Variants in CNTN5 observed in about 807,000 individuals in gnomAD.
CNTN5 encodes contactin 5, also known as contactin-5.
In CNTN5, 77 loss-of-function variants were observed where a neutral mutation model predicts 129.1. That is an observed-to-expected ratio of 0.60 (90% CI 0.50 to 0.72). The LOEUF (loss-of-function observed/expected upper bound fraction) is 0.72, where lower values mean the gene tolerates loss of function less well. CNTN5 is among the 30% of genes least tolerant of loss of function. The pLI is 0.00. For missense variants in CNTN5, 1,478 were observed against 1,328.8 expected (o/e 1.11, Z -1.75); for synonymous variants, 509 against 465.6 (o/e 1.09, Z -1.20).
chr11:99,232,634 T>C (rs1277208461), intron 1 of CNTN5, among the ~76,000 whole-genome samples: 1 of 152,204 alleles, frequency 6.6e-6, no homozygotes, highest in South Asian at 2.1e-4. Flanking sequence ...CCTATTCGAA[T>C]GCCCTTTATT....
intron 2 of CNTN5, among the ~76,000 whole-genome samples, chr11:99,364,353 G>A (rs1173599885): frequency 6.6e-6 from 1 of 151,946 alleles, no homozygotes; most frequent in African/African-American, 2.4e-5. Flanking sequence ...AGCATAATAT[G>A]CTAATTTTTG....
At chr11:99,553,455 C>A (rs538854952) in intron 2 of CNTN5, among the ~76,000 whole-genome samples, 2 of 151,772 alleles carry the variant, frequency 1.3e-5, no homozygotes, top group South Asian at 2.1e-4. Context: ...TTAAAGTCAT[C>A]GGATAACTAT....
In CNTN5 at chr11:100,178,920, G is replaced by T. The variant is rs373700661; in HGVS notation, c.1581-12206G>T. ...GTCACTTGCTGAAGGTGCTGGGAGA[G>T]CCACCTGCTTAGTGCATAGCATGTT... is the stretch of plus-strand genomic sequence containing the variant. On this transcript the variant is annotated intron_variant, in intron 13 of 24. Coordinates refer to ENST00000524871, the MANE Select transcript of CNTN5 (RefSeq NM_014361.4). 2.0e-5 allele frequency among the ~76,000 whole-genome samples: 3 copies of T among 152,132 alleles called. No homozygotes were observed. In the East Asian group the frequency reaches 5.8e-4, roughly 30 times the overall value.
chr11:99,275,062 A>C (rs1174958456), intron 1 of CNTN5, among the ~76,000 whole-genome samples: 5 of 151,292 alleles, frequency 3.3e-5, no homozygotes, highest in African/African-American at 1.2e-4. Context: ...TATATCTATA[A>C]ATGTGTGTAT....
At chr11:99,161,416 A>C (rs981851718) in intron 1 of CNTN5, among the ~76,000 whole-genome samples, 1 of 152,122 alleles carries the variant, frequency 6.6e-6, no homozygotes, top group Non-Finnish European at 1.5e-5. Flanking sequence ...TAGGATAGTA[A>C]AATGACACAG....
At chr11:99,653,956 G>C (rs1952252161) in intron 3 of CNTN5, among the ~76,000 whole-genome samples, 1 of 151,748 alleles carries the variant, frequency 6.6e-6, no homozygotes, top group South Asian at 2.1e-4. Context: ...AGTCAGTCAA[G>C]GCAGTTCAAC....
At chr11:99,809,383 G>A (rs1175769589) in intron 3 of CNTN5, among the ~76,000 whole-genome samples, 3 of 152,210 alleles carry the variant, frequency 2.0e-5, no homozygotes, top group Admixed American at 6.6e-5. Context: ...TGAAGGCAAA[G>A]ATTGTATGTT....
chr11:99,474,452 CA>C (rs1338528286), intron 2 of CNTN5, among the ~76,000 whole-genome samples: 1 of 151,904 alleles, frequency 6.6e-6, no homozygotes, highest in African/African-American at 2.4e-5. Flanking sequence ...CATATTATAC[CA>C]TTAATTATTA....
At chr11:99,785,970 C>T (rs1182895925) in intron 3 of CNTN5, among the ~76,000 whole-genome samples, 1 of 152,052 alleles carries the variant, frequency 6.6e-6, no homozygotes, top group Non-Finnish European at 1.5e-5. Flanking sequence ...TCTCTCACCA[C>T]TCCTATTCAG....
At chr11:99,410,216 A>G (rs1048039561) in intron 2 of CNTN5, among the ~76,000 whole-genome samples, 1 of 152,240 alleles carries the variant, frequency 6.6e-6, no homozygotes, top group African/African-American at 2.4e-5. Flanking sequence ...CCTAGCTAGA[A>G]AATGAAAGAG....
Position 99,382,845 on chromosome 11 carries a change from C to CTTTTTTTTTTTTTT in CNTN5, c.-71+57378_-71+57391dup, listed in dbSNP as rs1163660333. ...ACATCTCACTAGTGTCTCTAAATAA[C>CTTTTTTTTTTTTTT]TTTTTTTTTTTTTTTTTTTTTTTTT... On this transcript the variant is annotated intron_variant, in intron 2 of 24. Coordinates refer to ENST00000524871, the MANE Select transcript of CNTN5 (RefSeq NM_014361.4). Among the ~76,000 whole-genome samples, 485 of 76,986 alleles carry CTTTTTTTTTTTTTT rather than the reference C, an allele frequency of 6.3e-3. 123 individuals carry two copies. Among genetic ancestry groups the CTTTTTTTTTTTTTT allele is most frequent in the Admixed American group, 0.018 (82 of 4,586 alleles). The allele number at this position is 76,986 out of a possible 152,430, so 50.5% of individuals were successfully genotyped here.
chr11:100,316,710 A>G lies in CNTN5; in HGVS notation c.2730+8242A>G, dbSNP rs1951579631. Among the ~76,000 whole-genome samples the G allele has an allele frequency of 2.6e-5, 4 of 152,298 alleles. No homozygotes were observed. The South Asian group carries it at 8.3e-4, about 32-fold the overall frequency. On this transcript the variant is annotated intron_variant, in intron 21 of 24. Coordinates refer to ENST00000524871, the MANE Select transcript of CNTN5 (RefSeq NM_014361.4). ...TCATATTTCATATTCTGCCTGTGGA[A>G]CAAAGTCTTCCATGATTGCCAAGTT...
Position 99,327,528 on chromosome 11 carries a change from T to C in CNTN5, c.-71+2044T>C, listed in dbSNP as rs577165555. 2.6e-5 allele frequency among the ~76,000 whole-genome samples: 4 copies of C among 152,296 alleles called. No homozygotes were observed. The East Asian group carries it at 7.7e-4, about 29-fold the overall frequency. The stretch of plus-strand genomic sequence containing the variant: ...GGTTTGGCAGAGCAAAGTGCACTCT[T>C]ATTATGCCATTTTTGTTGTTGCTCC... On this transcript the variant is annotated intron_variant, in intron 2 of 24. Transcript: ENST00000524871.
At chr11:99,846,193 C>G (rs1347167462) in intron 6 of CNTN5, among the ~76,000 whole-genome samples, 2 of 148,286 alleles carry the variant, frequency 1.3e-5, no homozygotes, top group Non-Finnish European at 3.0e-5. Flanking sequence ...AGATAATACA[C>G]CTGATTAAAT....
intron 13 of CNTN5, among the ~76,000 whole-genome samples, chr11:100,094,765 AAAGGAAGGAAGG>A (rs57565481): frequency 0.065 from 7,350 of 113,904 alleles, 637 homozygotes; most frequent in African/African-American, 0.21. Flanking sequence ...GGGAGGGAGG[AAAGGAAGGAAGG>A]AAGGAAGGAA....
chr11:99,483,329 A>T (rs1163014446), intron 2 of CNTN5, among the ~76,000 whole-genome samples: 2 of 152,198 alleles, frequency 1.3e-5, no homozygotes, highest in African/African-American at 2.4e-5. Flanking sequence ...CTTCGTGCGC[A>T]GTGGCCTGCT....
intron 4 of CNTN5, among the ~76,000 whole-genome samples, chr11:99,824,285 C>T (rs1348157): frequency 0.16 from 24,272 of 151,942 alleles, 2,043 homozygotes; most frequent in Non-Finnish European, 0.18. Context: ...TTGTCACCAA[C>T]ATAAAATTTT....
chr11:99,036,158 C>CGAAATGCCAGCTATTCA (rs1214024860), intron 1 of CNTN5, among the ~76,000 whole-genome samples: 38 of 152,014 alleles, frequency 2.5e-4, no homozygotes, highest in African/African-American at 8.9e-4. Context: ...CGTTGCGTAT[C>CGAAATGCCAGCTATTCA]GAAATGCCAG....
chr11:100,185,155 T>G (rs1466902498), intron 13 of CNTN5, among the ~76,000 whole-genome samples: 1 of 152,152 alleles, frequency 6.6e-6, no homozygotes, highest in African/African-American at 2.4e-5. Flanking sequence ...GGTACGTCTT[T>G]ATACCAGTGT....
Sources: allele counts gnomAD v4.1 joint callset (sites outside exome capture counted in the v4.1 genomes callset), GRCh38; gene constraint gnomAD v4.1.1; transcripts MANE v1.5; gene names NCBI Gene and HGNC (gene_info 2026-07-23, HGNC 2026-07-21).